The following TOM1L2 variants were observed in gnomAD, a reference collection of about 807,000 sequenced individuals.
The protein encoded by TOM1L2 is TOM1-like protein 2.
Under a neutral mutation model 67.9 loss-of-function variants are expected in TOM1L2, and 31 were observed. The observed-to-expected ratio is 0.46, with a 90% CI of 0.34 to 0.62. The LOEUF (loss-of-function observed/expected upper bound fraction) is 0.62, where lower values mean the gene tolerates loss of function less well. Among genes scored for constraint, TOM1L2 ranks in the 20% least tolerant of loss-of-function variants. The probability of loss-of-function intolerance (pLI) is 0.01; values close to 1 mark genes in which losing one functional copy is unlikely to be tolerated. For missense variants in TOM1L2, 606 were observed against 663.5 expected (o/e 0.91, Z 0.95); for synonymous variants, 256 against 254.0 (o/e 1.01, Z -0.07).
At chr17:17,857,852 A>G (rs781540091) in intron 12 of TOM1L2, 482 of 1,535,560 alleles carry the variant, frequency 3.1e-4, no homozygotes, top group Non-Finnish European at 3.7e-4. Context: ...GAGGACAGAA[A>G]AGTCTCAGAA....
chr17:17,920,925 G>A (rs1006385485), intron 1 of TOM1L2, among the ~76,000 whole-genome samples: 1 of 152,184 alleles, frequency 6.6e-6, no homozygotes, highest in African/African-American at 2.4e-5. Context: ...GTGAGCCACC[G>A]TTGCAGGCAG....
chr17:17,960,997 A>T (rs781572421), intron 1 of TOM1L2, among the ~76,000 whole-genome samples: 1 of 152,218 alleles, frequency 6.6e-6, no homozygotes, highest in African/African-American at 2.4e-5. Context: ...TAAAAAGGCA[A>T]CCCACAGAAT....
chr17:17,957,764 T>C (rs775385204), intron 1 of TOM1L2, among the ~76,000 whole-genome samples: 14 of 151,884 alleles, frequency 9.2e-5, no homozygotes, highest in Non-Finnish European at 1.9e-4. Flanking sequence ...CACACACATA[T>C]GATTCATAGG....
intron 1 of TOM1L2, among the ~76,000 whole-genome samples, chr17:17,921,744 G>A (rs2039877960): frequency 6.6e-6 from 1 of 151,026 alleles, no homozygotes; most frequent in African/African-American, 2.4e-5. Context: ...ATAAGGGAAA[G>A]TGGGGGCGGG....
chr17:17,907,466 T>C lies in TOM1L2; in HGVS notation c.118A>G (p.Ile40Val). The C allele has an allele frequency of 6.2e-7, 1 of 1,614,144 alleles. No homozygotes were observed. The highest frequency in any genetic ancestry group is 8.5e-7 in the Non-Finnish European group (1 of 1,179,978). Residue 40 changes from isoleucine to valine, a missense_variant, in exon 2 of 15, where the codon ATC becomes GTC. Physicochemically the swap from Ile to Val is conservative, Grantham distance 29 (BLOSUM62 3). This residue lies in a region of TOM1L2 where 63 missense variants were observed against 109.5 expected (regional missense o/e 0.58). Coordinates refer to ENST00000379504, the MANE Select transcript of TOM1L2 (RefSeq NM_001082968.2). ...ACGTACCCTTCCTCCGTCTCATTGA[T>C]GATGTCACAGATCTCCATATTCAAC... ...WTLNMEICDI[I>V]NETEEGPKDA... is the part of the protein sequence containing the mutation.
chr17:17,874,685 T>C (rs2037332041), intron 7 of TOM1L2, among the ~76,000 whole-genome samples: 1 of 152,222 alleles, frequency 6.6e-6, no homozygotes, highest in Non-Finnish European at 1.5e-5. Context: ...AGTGATCTCA[T>C]CAACAGTCAG....
chr17:17,852,525 AAG>A (rs1403440022), intron 12 of TOM1L2, among the ~76,000 whole-genome samples: 9 of 152,334 alleles, frequency 5.9e-5, no homozygotes, highest in African/African-American at 1.9e-4. Context: ...TCAGATTAGG[AAG>A]AGTCTGTGTT....
chr17:17,856,331 G>A (rs1449625339), intron 12 of TOM1L2, among the ~76,000 whole-genome samples: 1 of 152,276 alleles, frequency 6.6e-6, no homozygotes, highest in Non-Finnish European at 1.5e-5. Context: ...ATGGGCTTGG[G>A]GTCTAGTGGA....
intron 7 of TOM1L2, among the ~76,000 whole-genome samples, chr17:17,878,456 G>A (rs1598247751): frequency 6.6e-6 from 1 of 152,346 alleles, no homozygotes; most frequent in South Asian, 2.1e-4. Flanking sequence ...CCCTAGGACT[G>A]TGTTTTGTGT....
intron 4 of TOM1L2, among the ~76,000 whole-genome samples, chr17:17,885,850 G>A (rs1243322090): frequency 2.7e-5 from 4 of 150,764 alleles, no homozygotes; most frequent in African/African-American, 4.9e-5. Context: ...GTGTGAATCC[G>A]GGAGGCAGAG....
At chr17:17,923,364 G>A (rs2039956298) in intron 1 of TOM1L2, among the ~76,000 whole-genome samples, 1 of 152,120 alleles carries the variant, frequency 6.6e-6, no homozygotes, top group African/African-American at 2.4e-5. Context: ...TCGCGCCACT[G>A]CATTCCAGTC....
chr17:17,931,820 T>C (rs1177321402), intron 1 of TOM1L2, among the ~76,000 whole-genome samples: 1 of 152,206 alleles, frequency 6.6e-6, no homozygotes, highest in Non-Finnish European at 1.5e-5. Context: ...ACACACTGAC[T>C]TCCTATTTCA....
At chr17:17,887,051 G>A (rs2038036779) in intron 4 of TOM1L2, among the ~76,000 whole-genome samples, 1 of 152,242 alleles carries the variant, frequency 6.6e-6, no homozygotes. Context: ...GTACAGGAGA[G>A]GATTTGGAAG....
intron 1 of TOM1L2, among the ~76,000 whole-genome samples, chr17:17,916,074 A>ATT (rs1203797922): frequency 1.4e-4 from 19 of 135,820 alleles, no homozygotes; most frequent in African/African-American, 3.0e-4. Context: ...CCTTTTTAAG[A>ATT]TTTTTTTTTT....
At chr17:17,927,310 T>A (rs1037892249) in intron 1 of TOM1L2, among the ~76,000 whole-genome samples, 1 of 152,204 alleles carries the variant, frequency 6.6e-6, no homozygotes, top group Non-Finnish European at 1.5e-5. Context: ...GGGTTTACCA[T>A]GTGAGTAACG....
intron 14 of TOM1L2, among the ~76,000 whole-genome samples, chr17:17,848,313 C>T (rs935494802): frequency 1.6e-4 from 24 of 152,034 alleles, no homozygotes; most frequent in African/African-American, 5.3e-4. Flanking sequence ...GAGAGGAGGA[C>T]AGGAGCACGG....
chr17:17,927,651 C>A (rs2040149731), intron 1 of TOM1L2, among the ~76,000 whole-genome samples: 1 of 150,696 alleles, frequency 6.6e-6, no homozygotes, highest in Non-Finnish European at 1.5e-5. Flanking sequence ...TGATAATAAG[C>A]TGTTGGCTAT....
intron 7 of TOM1L2, among the ~76,000 whole-genome samples, chr17:17,879,040 G>A (rs1182852512): frequency 6.6e-6 from 1 of 152,182 alleles, no homozygotes; most frequent in Admixed American, 6.5e-5. Context: ...GAGGCGGGGA[G>A]GCCAGTTTGC....
chr17:17,869,183 C>T, intron 8 of TOM1L2, 157 bp downstream of exon 8: 1 of 1,406,238 alleles, frequency 7.1e-7, no homozygotes, highest in Non-Finnish European at 9.5e-7. Flanking sequence ...AAGCATTTTT[C>T]CTGTCAGCCG....
Sources: allele counts gnomAD v4.1 joint callset (sites outside exome capture counted in the v4.1 genomes callset), GRCh38; gene constraint gnomAD v4.1.1; regional missense constraint gnomAD v4.1.1; transcripts MANE v1.5; gene names NCBI Gene and HGNC (gene_info 2026-07-23, HGNC 2026-07-21).